The following SAXO1 variants were observed in gnomAD, a reference collection of about 807,000 sequenced individuals.
SAXO1 encodes the protein stabilizer of axonemal microtubules 1.
In SAXO1, 21 loss-of-function variants were observed where a neutral mutation model predicts 17.5. The ratio of observed to expected loss-of-function variants is 1.20; its 90% confidence interval spans 0.85 to 1.72. The LOEUF is 1.72. Among genes scored for constraint, SAXO1 ranks in the 40% most tolerant of loss-of-function variants. The pLI is 0.00. For missense variants in SAXO1, 843 were observed against 596.0 expected, an observed-to-expected ratio of 1.41 and a Z score of -4.32; for synonymous variants, 274 against 216.5, an observed-to-expected ratio of 1.27 and a Z score of -2.33.
chr9:19,002,787 A>G (rs888124400), intron 1 of SAXO1, among the ~76,000 whole-genome samples: 1 of 152,236 alleles, frequency 6.6e-6, no homozygotes, highest in Non-Finnish European at 1.5e-5. Context: ...AGCCAATATC[A>G]TACTAACTGG....
chr9:18,940,473 G>C (rs1338792186), intron 3 of SAXO1, among the ~76,000 whole-genome samples: 1 of 152,098 alleles, frequency 6.6e-6, no homozygotes, highest in Non-Finnish European at 1.5e-5. Context: ...CTAAGCACAG[G>C]GTCCTCCAGG....
intron 1 of SAXO1, among the ~76,000 whole-genome samples, chr9:19,009,246 T>TA (rs5896829): frequency 7.7e-4 from 117 of 151,360 alleles, no homozygotes; most frequent in African/African-American, 2.3e-3. Flanking sequence ...CTGCCAAATT[T>TA]AAAAAAAAAA....
intron 1 of SAXO1, among the ~76,000 whole-genome samples, chr9:18,962,410 T>C (rs1404543580): frequency 1.3e-5 from 2 of 152,212 alleles, no homozygotes; most frequent in African/African-American, 4.8e-5. Flanking sequence ...GTGATGAGCT[T>C]TTTTTCATAT....
intron 1 of SAXO1, among the ~76,000 whole-genome samples, chr9:18,976,078 T>C (rs933437763): frequency 1.1e-4 from 17 of 152,202 alleles, no homozygotes; most frequent in African/African-American, 4.1e-4. Flanking sequence ...GGAAAAAACA[T>C]GATATTCCAA....
intron 1 of SAXO1, among the ~76,000 whole-genome samples, chr9:18,964,556 G>T (rs959259263): frequency 3.9e-5 from 6 of 152,038 alleles, no homozygotes; most frequent in African/African-American, 1.4e-4. Flanking sequence ...TAGTTTATTT[G>T]CAAAGAGGTA....
intron 3 of SAXO1, 96 bp downstream of exon 3, chr9:18,941,541 C>G: frequency 2.1e-6 from 3 of 1,418,834 alleles, no homozygotes; most frequent in Middle Eastern, 2.4e-4. Flanking sequence ...TCTGCCAACT[C>G]TTGCACTAAC....
At chr9:18,938,654 T>C (rs887985082) in intron 3 of SAXO1, among the ~76,000 whole-genome samples, 6 of 152,076 alleles carry the variant, frequency 3.9e-5, no homozygotes, top group African/African-American at 1.4e-4. Context: ...ACCCAAACCC[T>C]GTCAGCCATG....
chr9:19,003,588 T>C lies in SAXO1; in HGVS notation c.38+29283A>G, dbSNP rs536830207. Among the ~76,000 whole-genome samples, 461 of 152,138 alleles carry C rather than the reference T, an allele frequency of 3.0e-3. 8 individuals are homozygous for C. In the South Asian group the frequency reaches 0.045, roughly 15 times the overall value. ...AGAACAGAGGCCTCAGAAATAACAC[T>C]ACACATCTACAACCATCTGGTCTTT... On this transcript the variant is annotated intron_variant, in intron 1 of 3. Transcript: ENST00000380534.
chr9:18,964,168 T>C (rs1327493658), intron 1 of SAXO1, among the ~76,000 whole-genome samples: 1 of 152,252 alleles, frequency 6.6e-6, no homozygotes, highest in Non-Finnish European at 1.5e-5. Flanking sequence ...CTCGATTCGG[T>C]TTGCCAGTAT....
intron 1 of SAXO1, among the ~76,000 whole-genome samples, chr9:18,958,077 A>G (rs1248134502): frequency 2.6e-5 from 4 of 152,118 alleles, no homozygotes; most frequent in Non-Finnish European, 4.4e-5. Flanking sequence ...AGAAATCTGA[A>G]TAACTCCAGC....
chr9:18,942,157 A>T (rs1831589152), intron 2 of SAXO1, among the ~76,000 whole-genome samples: 1 of 152,136 alleles, frequency 6.6e-6, no homozygotes, highest in African/African-American at 2.4e-5. Context: ...TCTCACTAAC[A>T]GCCTGCCACC....
Position 19,038,691 on chromosome 9 carries a change from G to C in SAXO1, c.-158+10518C>G, listed in dbSNP as rs1047672895. ...TTAATGGGTGCAGTACACCAGCATG[G>C]CACATGTATACATATGTAACTAACC... On this transcript the variant is annotated intron_variant, in intron 1 of 3. Transcript: ENST00000542071. Among the ~76,000 whole-genome samples, 34 of 151,682 alleles carry C rather than the reference G, an allele frequency of 2.2e-4. No individual in the cohort carries two copies. In the South Asian group the frequency reaches 3.5e-3, roughly 16 times the overall value.
At chr9:19,023,802 A>T (rs1835351796) in intron 1 of SAXO1, among the ~76,000 whole-genome samples, 2 of 152,030 alleles carry the variant, frequency 1.3e-5, no homozygotes, top group African/African-American at 4.8e-5. Flanking sequence ...GGAGGGAGGA[A>T]AGCAAGGAAA....
chr9:18,986,806 C>T (rs1833613271), intron 1 of SAXO1, among the ~76,000 whole-genome samples: 2 of 152,160 alleles, frequency 1.3e-5, no homozygotes, highest in South Asian at 2.1e-4. Context: ...ACTTCAAAGA[C>T]ATTGTTAGGT....
chr9:18,972,054 C>T (rs945894840), intron 1 of SAXO1, among the ~76,000 whole-genome samples: 1 of 152,150 alleles, frequency 6.6e-6, no homozygotes, highest in African/African-American at 2.4e-5. Context: ...TCATGAAAGT[C>T]AGAACTTGTT....
upstream of SAXO1, among the ~76,000 whole-genome samples, chr9:19,035,222 T>G (rs917623515): frequency 2.0e-5 from 3 of 152,200 alleles, no homozygotes; most frequent in African/African-American, 7.2e-5. Context: ...TCCCACATGT[T>G]GTGGGAGGGA....
chr9:18,980,551 A>AGGGG (rs1563959558), intron 1 of SAXO1, among the ~76,000 whole-genome samples: 9 of 134,814 alleles, frequency 6.7e-5, no homozygotes, highest in South Asian at 2.4e-4. Flanking sequence ...GGAGGGAGGG[A>AGGGG]AGAGGAAGAA....
chr9:18,995,504 A>C (rs1457544228), intron 1 of SAXO1, among the ~76,000 whole-genome samples: 2 of 152,208 alleles, frequency 1.3e-5, no homozygotes, highest in African/African-American at 4.8e-5. Context: ...CTAAAGAAGA[A>C]TGTTCTCCTA....
chr9:18,991,572 G>C (rs919069624), intron 1 of SAXO1, among the ~76,000 whole-genome samples: 1 of 152,058 alleles, frequency 6.6e-6, no homozygotes, highest in Non-Finnish European at 1.5e-5. Context: ...GTCGCGGAGT[G>C]GGGGAAAGGG....
Sources: gnomAD v4.1 joint callset for allele counts (sites outside exome capture counted in the v4.1 genomes callset) on GRCh38, gnomAD v4.1.1 for gene constraint, MANE v1.5 for transcripts, NCBI Gene and HGNC (gene_info 2026-07-23, HGNC 2026-07-21) for gene names.